The following AFTPH variants were observed in gnomAD, a reference collection of about 807,000 sequenced individuals.
AFTPH encodes the protein aftiphilin, also known as aftiphilin protein.
A neutral mutation model predicts 72.5 loss-of-function variants in AFTPH; 7 were observed. The ratio of observed to expected loss-of-function variants is 0.10; its 90% confidence interval spans 0.05 to 0.18. AFTPH has a LOEUF of 0.18. Among genes scored for constraint, AFTPH ranks in the 10% least tolerant of loss-of-function variants. The pLI is 1.00. For missense variants in AFTPH, 979 were observed against 1,060.5 expected, an observed-to-expected ratio of 0.92 and a Z score of 1.07; for synonymous variants, 337 against 370.1, an observed-to-expected ratio of 0.91 and a Z score of 1.03.
At chr2:64,535,217 A>T (rs1399141039) in intron 1 of AFTPH, among the ~76,000 whole-genome samples, 3 of 152,200 alleles carry the variant, frequency 2.0e-5, no homozygotes, top group African/African-American at 7.2e-5. Context: ...TGGAGTTATA[A>T]AGTCCATTGG....
At chr2:64,552,670 A>G (rs1406251238) in exon 2 of AFTPH, 2 of 1,614,198 alleles carry the variant, frequency 1.2e-6, no homozygotes, top group East Asian at 2.2e-5. Context: ...CCAAACATTG[A>G]CCCCACAGAA....
At chr2:64,592,271 TTC>T in exon 9 of AFTPH, 1 of 348,388 alleles carries the variant, frequency 2.9e-6, no homozygotes, top group Middle Eastern at 8.2e-4. Flanking sequence ...TGAAGATTTA[TTC>T]TTTTTGTGTT....
chr2:64,583,316 T>TA (rs11395165), intron 7 of AFTPH, among the ~76,000 whole-genome samples: 7,880 of 141,884 alleles, frequency 0.056, 445 homozygotes, highest in African/African-American at 0.14. Flanking sequence ...AAGGCTCTGT[T>TA]AAAAAAAAAA....
Position 64,553,218 on chromosome 2 carries a change from A to G in AFTPH, c.1744A>G (p.Ser582Gly), listed in dbSNP as rs920717616. ...TGCTTTTGAGGATGAACAAAAAGATAGTTGTTCTTGGGCTGCTTTTGGAGA... is the reference window on the plus strand; with the variant it reads ...TGCTTTTGAGGATGAACAAAAAGATGGTTGTTCTTGGGCTGCTTTTGGAGA... The change falls in exon 2 of 9, where the codon AGT becomes GGT. Residue 582 changes from serine to glycine, a missense_variant. Physicochemically the swap from Ser to Gly is moderately conservative, Grantham distance 56. Around this residue, in one of 3 missense-constraint regions of AFTPH, gnomAD observed 438 missense variants for 530.0 expected, o/e 0.83. Transcript: ENST00000238856. The G allele has an allele frequency of 3.7e-6, 6 of 1,614,044 alleles. No homozygotes were observed. In the African/African-American group the frequency reaches 6.7e-5, roughly 18 times the overall value.
intron 2 of AFTPH, among the ~76,000 whole-genome samples, chr2:64,557,013 T>C (rs1335175557): frequency 1.3e-5 from 2 of 152,174 alleles, no homozygotes; most frequent in Non-Finnish European, 2.9e-5. Context: ...AACAACAAAA[T>C]GCAACAACAA....
intron 1 of AFTPH, among the ~76,000 whole-genome samples, chr2:64,548,220 C>T (rs1320467261): frequency 3.1e-4 from 45 of 145,236 alleles, no homozygotes; most frequent in African/African-American, 1.0e-3. Flanking sequence ...GGTGAAACCC[C>T]GTCTCTACTA....
At chr2:64,566,634 T>A (rs572920538) in intron 2 of AFTPH, among the ~76,000 whole-genome samples, 1 of 152,278 alleles carries the variant, frequency 6.6e-6, no homozygotes, top group African/African-American at 2.4e-5. Context: ...TGGGCTAAGT[T>A]GGAAAATATA....
intron 1 of AFTPH, among the ~76,000 whole-genome samples, chr2:64,528,654 TAAG>T (rs1669425789): frequency 6.6e-6 from 1 of 151,790 alleles, no homozygotes; most frequent in Non-Finnish European, 1.5e-5. Context: ...GGGAAGCAAA[TAAG>T]AAGAGTGGTA....
intron 2 of AFTPH, among the ~76,000 whole-genome samples, chr2:64,566,839 G>A (rs1672118124): frequency 6.6e-6 from 1 of 151,640 alleles, no homozygotes; most frequent in South Asian, 2.1e-4. Context: ...GAATATGCAG[G>A]CTTTACTTGG....
At chr2:64,573,665 C>T (rs1359567339) in intron 6 of AFTPH, among the ~76,000 whole-genome samples, 2 of 150,246 alleles carry the variant, frequency 1.3e-5, no homozygotes, top group Admixed American at 6.7e-5. Context: ...ATAGAAAACT[C>T]TTTTTTTTTG....
intron 2 of AFTPH, among the ~76,000 whole-genome samples, chr2:64,562,405 A>G (rs952502307): frequency 2.6e-5 from 4 of 151,752 alleles, no homozygotes; most frequent in Non-Finnish European, 4.4e-5. Context: ...GGTACTGGAA[A>G]TTCAAGAAAA....
At chr2:64,528,479 C>T (rs1318256480) in intron 1 of AFTPH, among the ~76,000 whole-genome samples, 2 of 152,004 alleles carry the variant, frequency 1.3e-5, no homozygotes, top group African/African-American at 2.4e-5. Flanking sequence ...ATAAAATAAG[C>T]AATAGCAATA....
chr2:64,532,253 G>T (rs754246894), intron 1 of AFTPH, among the ~76,000 whole-genome samples: 1 of 152,252 alleles, frequency 6.6e-6, no homozygotes, highest in East Asian at 1.9e-4. Flanking sequence ...CTGGAAGAAG[G>T]CCTAGCCTAG....
At chr2:64,574,839 C>T (rs536103649) in intron 6 of AFTPH, among the ~76,000 whole-genome samples, 1 of 152,328 alleles carries the variant, frequency 6.6e-6, no homozygotes, top group East Asian at 1.9e-4. Flanking sequence ...CTATAAACTG[C>T]TATCCCAGGT....
chr2:64,525,160 T>C (rs11684941), intron 1 of AFTPH, among the ~76,000 whole-genome samples: 71,687 of 152,082 alleles, frequency 0.47, 18,387 homozygotes, highest in African/African-American at 0.7. Context: ...CACGCATCCC[T>C]TCCTCAGAGT....
intron 6 of AFTPH, among the ~76,000 whole-genome samples, chr2:64,577,792 A>G (rs1010610423): frequency 6.6e-6 from 1 of 152,238 alleles, no homozygotes; most frequent in Non-Finnish European, 1.5e-5. Flanking sequence ...GGAAGTTGCA[A>G]CTGTAGTACA....
exon 2 of AFTPH, chr2:64,552,582 A>G: frequency 6.2e-7 from 1 of 1,614,188 alleles, no homozygotes; most frequent in Non-Finnish European, 8.5e-7. Context: ...TCACCTATGC[A>G]TGGATTCTGT....
chr2:64,569,485 T>C, intron 4 of AFTPH, 138 bp from the exon 5 acceptor site: 1 of 1,016,856 alleles, frequency 9.8e-7, no homozygotes, highest in African/African-American at 1.6e-5. Flanking sequence ...AAATAACCCA[T>C]ATGGGCAATT....
chr2:64,533,431 A>G (rs981375946), intron 1 of AFTPH, among the ~76,000 whole-genome samples: 1 of 152,238 alleles, frequency 6.6e-6, no homozygotes, highest in East Asian at 1.9e-4. Context: ...ACAAAAATCT[A>G]AGGAAAACTT....
Sources: gnomAD v4.1 joint callset for allele counts (sites outside exome capture counted in the v4.1 genomes callset) on GRCh38, gnomAD v4.1.1 for gene constraint, gnomAD v4.1.1 regional missense constraint, MANE v1.5 for transcripts, NCBI Gene and HGNC (gene_info 2026-07-23, HGNC 2026-07-21) for gene names.